The following ERG variants were observed in gnomAD, a reference collection of about 807,000 sequenced individuals.
The protein encoded by ERG is ETS transcription factor ERG, also known as transcriptional regulator ERG.
ERG carries 9 observed loss-of-function variants against 55.3 expected under a neutral mutation model. That is an observed-to-expected ratio of 0.16 (90% CI 0.10 to 0.28). The LOEUF (loss-of-function observed/expected upper bound fraction) is 0.28. Ranked by LOEUF, ERG falls within the 10% of genes least tolerant of loss-of-function variation. ERG has a pLI of 1.00. For missense variants in ERG, 434 were observed against 631.6 expected (o/e 0.69, Z 3.35); for synonymous variants, 223 against 237.3 (o/e 0.94, Z 0.55).
chr21:38,566,948 A>G (rs972817700), intron 2 of ERG, among the ~76,000 whole-genome samples: 3 of 152,142 alleles, frequency 2.0e-5, no homozygotes, highest in African/African-American at 7.2e-5. Context: ...ACCATGCGCA[A>G]CTTCCACCCA....
chr21:38,485,578 G>A (rs1320722610), intron 1 of ERG, among the ~76,000 whole-genome samples: 1 of 147,448 alleles, frequency 6.8e-6, no homozygotes, highest in Non-Finnish European at 1.5e-5. Context: ...TCCTCCCTCC[G>A]CCTCCCAAGT....
chr21:38,611,276 C>T (rs915605305), intron 1 of ERG, among the ~76,000 whole-genome samples: 1 of 152,194 alleles, frequency 6.6e-6, no homozygotes, highest in African/African-American at 2.4e-5. Context: ...CTACTGTCCA[C>T]AAGGCAACCA....
intron 1 of ERG, among the ~76,000 whole-genome samples, chr21:38,656,342 A>G (rs1022202061): frequency 6.6e-6 from 1 of 152,134 alleles, no homozygotes; most frequent in Non-Finnish European, 1.5e-5. Context: ...TGCCAATTTC[A>G]ATCAATTTAT....
rs573983459 is a variant in ERG, at chr21:38,440,699, G to T, written c.236+4705C>A. Among the ~76,000 whole-genome samples, 4 of 149,220 alleles carry T rather than the reference G, an allele frequency of 2.7e-5. No individual in the cohort carries two copies. The Admixed American group carries it at 2.8e-4, about 10-fold the overall frequency. On this transcript the variant is annotated intron_variant, in intron 2 of 9. Transcript: ENST00000288319. ...AGCCACTCGGGAGGCTGAGGCAGGA[G>T]AATCGCTTGAACTCGGGAGGCAGAG...
chr21:38,583,767 A>G (rs144268996), intron 1 of ERG, among the ~76,000 whole-genome samples: 176 of 152,370 alleles, frequency 1.2e-3, no homozygotes, highest in African/African-American at 4.1e-3. Flanking sequence ...AGACCTGTAT[A>G]GAAGGACGAT....
At chr21:38,404,658 C>T (rs1988675787) in intron 3 of ERG, among the ~76,000 whole-genome samples, 1 of 152,196 alleles carries the variant, frequency 6.6e-6, no homozygotes. Context: ...TCTCCACTTT[C>T]TGGACCTTGC....
intron 6 of ERG, chr21:38,400,159 G>T: frequency 2.5e-6 from 1 of 404,770 alleles, no homozygotes. Flanking sequence ...ACTACTGGTT[G>T]CATGCTTCTG....
At chr21:38,457,090 C>T (rs1313866742) in intron 1 of ERG, among the ~76,000 whole-genome samples, 2 of 152,184 alleles carry the variant, frequency 1.3e-5, no homozygotes, top group African/African-American at 4.8e-5. Context: ...ACATCACATC[C>T]AATAGGGCTC....
chr21:38,379,239 T>C (rs1987323001), downstream of ERG, among the ~76,000 whole-genome samples: 1 of 152,244 alleles, frequency 6.6e-6, no homozygotes, highest in South Asian at 2.1e-4. Flanking sequence ...ATAGCTTCTG[T>C]ATCCTCATCT....
chr21:38,391,433 G>A (rs878926420), intron 8 of ERG, among the ~76,000 whole-genome samples: 2 of 152,178 alleles, frequency 1.3e-5, no homozygotes, highest in South Asian at 2.1e-4. Flanking sequence ...CTGTGTGCAC[G>A]TAGAATTTTT....
intron 2 of ERG, among the ~76,000 whole-genome samples, chr21:38,515,095 G>A (rs1317588487): frequency 1.3e-5 from 2 of 151,856 alleles, no homozygotes; most frequent in African/African-American, 4.8e-5. Context: ...AAAATAAATG[G>A]ATAGATATAT....
At chr21:38,643,083 C>G (rs2060434923) in intron 1 of ERG, among the ~76,000 whole-genome samples, 1 of 152,158 alleles carries the variant, frequency 6.6e-6, no homozygotes, top group Non-Finnish European at 1.5e-5. Context: ...CTGCAGAGTT[C>G]CAGATAGCTA....
intron 1 of ERG, among the ~76,000 whole-genome samples, chr21:38,469,828 G>A (rs1260099055): frequency 6.6e-6 from 1 of 152,160 alleles, no homozygotes; most frequent in Non-Finnish European, 1.5e-5. Flanking sequence ...CACAGAATAT[G>A]TTTACACATG....
chr21:38,441,926 G>C (rs982405385), intron 2 of ERG, among the ~76,000 whole-genome samples: 1 of 152,198 alleles, frequency 6.6e-6, no homozygotes, highest in African/African-American at 2.4e-5. Context: ...CGAACCCACC[G>C]GAGGACCCGG....
At chr21:38,433,397 C>T (rs536971870) in intron 2 of ERG, among the ~76,000 whole-genome samples, 1 of 152,266 alleles carries the variant, frequency 6.6e-6, no homozygotes, top group African/African-American at 2.4e-5. Context: ...CCTCCTTGAG[C>T]TGTCGTCCAT....
intron 2 of ERG, among the ~76,000 whole-genome samples, chr21:38,564,065 T>C (rs1004278169): frequency 6.6e-6 from 1 of 151,274 alleles, no homozygotes; most frequent in Non-Finnish European, 1.5e-5. Flanking sequence ...TTATCAACCC[T>C]GCAGAGGGGA....
intron 2 of ERG, among the ~76,000 whole-genome samples, chr21:38,432,675 A>C (rs1437083353): frequency 6.6e-6 from 1 of 152,228 alleles, no homozygotes; most frequent in Non-Finnish European, 1.5e-5. Context: ...TCATCTGCAC[A>C]TCTCCATGAC....
rs368936578 is a variant in ERG, at chr21:38,429,744, T to TACACAC, written c.237-6184_237-6183insGTGTGT. 7.7e-3 allele frequency among the ~76,000 whole-genome samples: 827 copies of TACACAC among 107,522 alleles called. 14 individuals are homozygous for TACACAC. The highest frequency in any genetic ancestry group is 0.026 in the African/African-American group (689 of 26,918). The allele number at this position is 107,522 out of a possible 152,430, so 70.5% of individuals were successfully genotyped here. A position where few individuals can be genotyped will look rare whatever the true frequency, so the allele number is the denominator to read the frequency against. On this transcript the variant is annotated intron_variant, in intron 2 of 9. Coordinates refer to ENST00000288319, the MANE Select transcript of ERG (RefSeq NM_182918.4). ...GTCTATATATATGTGTGTATATATA[T>TACACAC]ATACACACACACACACACACCACAT...
intron 3 of ERG, among the ~76,000 whole-genome samples, chr21:38,415,909 G>A (rs995554595): frequency 6.6e-6 from 1 of 152,150 alleles, no homozygotes; most frequent in Non-Finnish European, 1.5e-5. Context: ...GAACACAAAA[G>A]ACATGATCAT....
Sources: gnomAD v4.1 joint callset for allele counts (sites outside exome capture counted in the v4.1 genomes callset) on GRCh38, gnomAD v4.1.1 for gene constraint, MANE v1.5 for transcripts, NCBI Gene and HGNC (gene_info 2026-07-23, HGNC 2026-07-21) for gene names.